The following THBS1 variants were observed in gnomAD, a reference collection of about 807,000 sequenced individuals.
THBS1 encodes thrombospondin-1.
THBS1 carries 29 observed loss-of-function variants against 126.1 expected under a neutral mutation model. The observed-to-expected ratio is 0.23, with a 90% CI of 0.17 to 0.31. The LOEUF (loss-of-function observed/expected upper bound fraction) is 0.31, where lower values mean the gene tolerates loss of function less well. Among genes scored for constraint, THBS1 ranks in the 10% least tolerant of loss-of-function variants. The probability of loss-of-function intolerance (pLI) is 1.00; values close to 1 mark genes in which losing one functional copy is unlikely to be tolerated. For synonymous variants in THBS1, 496 were observed against 577.8 expected (o/e 0.86, Z 2.03); for missense variants, 1,198 against 1,545.2 (o/e 0.78, Z 3.77).
chr15:39,589,114 C>G lies in THBS1; in HGVS notation c.1773+28C>G. On this transcript the variant is annotated intron_variant, in intron 11 of 21. Transcript: ENST00000260356. The surrounding 1 kb of genome is among the most constrained non-coding windows in gnomAD (Gnocchi z 4.7). ...GAGGAACTGATGGGGCTCCGAGTTT[C>G]TGGATCTAGGAAAGCAGCTAACCTG... 4 of 1,612,784 alleles carry G rather than the reference C, an allele frequency of 2.5e-6. No individual in the cohort carries two copies. Among genetic ancestry groups the G allele is most frequent in the Non-Finnish European group, 3.4e-6 (4 of 1,178,800 alleles).
intron 1 of THBS1, among the ~76,000 whole-genome samples, chr15:39,581,461 C>T (rs767194921): frequency 7.9e-5 from 12 of 152,138 alleles, no homozygotes; most frequent in Non-Finnish European, 1.5e-4. Flanking sequence ...TTTCCTTACT[C>T]TCTGAAGTCC....
chr15:39,591,124 C>T, intron 14 of THBS1, 67 bp from the exon 15 acceptor site: 1 of 1,548,866 alleles, frequency 6.5e-7, no homozygotes, highest in Non-Finnish European at 8.8e-7. Context: ...ATATTATGCA[C>T]ATGGTTTGAG....
At chr15:39,586,292 T>A (rs1412752323) in intron 7 of THBS1, among the ~76,000 whole-genome samples, 1 of 152,160 alleles carries the variant, frequency 6.6e-6, no homozygotes, top group Non-Finnish European at 1.5e-5. Context: ...CATCCAGGGA[T>A]CATATTAGCG....
chr15:39,598,708 T>C lies in THBS1; in HGVS notation c.*3339T>C, dbSNP rs946193474. 5.3e-5 allele frequency: 8 copies of C among 152,194 alleles called. No homozygotes were observed. Among genetic ancestry groups the C allele is most frequent in the Non-Finnish European group, 1.2e-4 (8 of 68,032 alleles). The allele number at this position is 152,194 out of a possible 1,614,324, so 9.4% of individuals were successfully genotyped here. On this transcript the variant is annotated 3_prime_UTR_variant, in exon 22 of 22. Transcript: ENST00000260356. ...AATTAAAATTATGTCATCGAGATGA[T>C]AGCTTTTTTCCTCCTCCAACAGTTT...
Position 39,593,774 on chromosome 15 carries a change from C to G in THBS1, c.3267+106C>G. On this transcript the variant is annotated intron_variant, in intron 19 of 21. Transcript: ENST00000260356. This position sits in a 1 kb window ranked among gnomAD's most constrained non-coding sequence, Gnocchi z 5.9. The stretch of plus-strand genomic sequence containing the variant: ...TCTGACCAGGGAGTCTTAGAAAGTT[C>G]CCAGCATCACCAGCTGCAGCATTGA... The G allele has an allele frequency of 6.9e-7, 1 of 1,448,768 alleles. No individual in the cohort carries two copies. Among genetic ancestry groups the G allele is most frequent in the Non-Finnish European group, 9.3e-7 (1 of 1,072,660 alleles). 89.7% of individuals were successfully genotyped at this position (1,448,768 alleles called of 1,614,324 possible).
In THBS1 at chr15:39,591,178, C is replaced by T; in HGVS notation, c.2254-13C>T. On this transcript the variant is annotated splice_polypyrimidine_tract_variant and intron_variant, in intron 14 of 21. Transcript: ENST00000260356. ...GACAACATTGTTAAGTGCTCCATTT[C>T]TTCTCTTTGCAGGACAACTGTCCAT... 3.7e-6 allele frequency: 6 copies of T among 1,612,100 alleles called. No individual in the cohort carries two copies. Among genetic ancestry groups the T allele is most frequent in the Non-Finnish European group, 3.4e-6 (4 of 1,178,784 alleles).
Position 39,593,199 on chromosome 15 carries a change from T to C in THBS1, c.2967T>C (p.Thr989=). 6.2e-7 allele frequency: 1 copy of C among 1,614,010 alleles called. No homozygotes were observed. The highest frequency in any genetic ancestry group is 8.5e-7 in the Non-Finnish European group (1 of 1,179,974). The change falls in exon 18 of 22, where the codon ACT becomes ACC. Residue 989 remains threonine, a synonymous_variant. Transcript: ENST00000260356. This position sits in a 1 kb window ranked among gnomAD's most constrained non-coding sequence, Gnocchi z 5.9. ...ATCAGGGTAAAGAACTCGTCCAGAC[T>C]GTCAACTGTGATCCTGGACTCGCTG... ...VRHQGKELVQ[T]VNCDPGLAVG...
rs1466035769 is a variant in THBS1 at position 39,594,979 on chromosome 15, T to TAATA, written c.3506-382_3506-379dup. On this transcript the variant is annotated intron_variant, in intron 21 of 21. Transcript: ENST00000260356. This position sits in a 1 kb window ranked among gnomAD's most constrained non-coding sequence, Gnocchi z 4.4. ...CTGGCTCTACCACAAAATAAGTGCT[T>TAATA]AATATATATTTACTGGGCCAAGGCC... Among the ~76,000 whole-genome samples, 1 of 152,200 alleles carries TAATA rather than the reference T, an allele frequency of 6.6e-6. No individual in the cohort carries two copies. The highest frequency in any genetic ancestry group is 2.4e-5 in the African/African-American group (1 of 41,446).
chr15:39,589,690 C>T lies in THBS1; in HGVS notation c.1927-115C>T. On this transcript the variant is annotated intron_variant, in intron 12 of 21. Transcript: ENST00000260356. This position sits in a 1 kb window ranked among gnomAD's most constrained non-coding sequence, Gnocchi z 4.7. ...TGGGGAGGGACAGAGGTAACCCACA[C>T]TCTTCCAAATGGAGCCTCTGTCTAC... 1 of 1,158,778 alleles carries T rather than the reference C, an allele frequency of 8.6e-7. No homozygotes were observed. The highest frequency in any genetic ancestry group is 1.2e-6 in the Non-Finnish European group (1 of 845,374). 71.8% of individuals were successfully genotyped at this position (1,158,778 alleles called of 1,614,324 possible). A position where few individuals can be genotyped will look rare whatever the true frequency, so the allele number is the denominator to read the frequency against.
rs745631067 is a variant in THBS1, at chr15:39,589,937, A to G, written c.2059A>G (p.Ile687Val). The stretch of plus-strand genomic sequence containing the variant: ...CAAGCCTGGCTACGCTGGCAATGGC[A>G]TCATCTGCGGGGAGGACACAGACCT... Reference protein sequence around the residue: ...ECKPGYAGNGIICGEDTDLDG... With the variant: ...ECKPGYAGNGVICGEDTDLDG... Residue 687 changes from isoleucine (I) to valine (V), a missense_variant, in exon 13 of 22, where the codon ATC (isoleucine) becomes GTC (valine). Around this residue, in one of 4 missense-constraint regions of THBS1, gnomAD observed 663 missense variants for 860.1 expected, o/e 0.77. Coordinates refer to ENST00000260356, the MANE Select transcript of THBS1 (RefSeq NM_003246.4). This position sits in a 1 kb window ranked among gnomAD's most constrained non-coding sequence, Gnocchi z 4.7. The G allele has an allele frequency of 1.2e-6, 2 of 1,614,160 alleles. No individual in the cohort carries two copies. The highest frequency in any genetic ancestry group is 2.2e-5 in the South Asian group (2 of 91,050).
chr15:39,584,368 G>C lies in THBS1; in HGVS notation c.972G>C (p.Gln324His), dbSNP rs1566838980. 6.2e-7 allele frequency: 1 copy of C among 1,614,214 alleles called. No homozygotes were observed. The highest frequency in any genetic ancestry group is 2.2e-5 in the East Asian group (1 of 44,882). The change falls in exon 6 of 22, where the codon CAG (glutamine) becomes CAC (histidine). Residue 324 changes from glutamine (Q) to histidine (H), a missense_variant. Physicochemically the swap from Gln to His is conservative, Grantham distance 24 (BLOSUM62 0). This residue lies in a region of THBS1 where 663 missense variants were observed against 860.1 expected (regional missense o/e 0.77). Transcript: ENST00000260356. The stretch of plus-strand genomic sequence containing the variant: ...CCCTATGCTATCACAACGGAGTTCA[G>C]TACAGAAATAACGAGGAATGGACTG... ...RPPLCYHNGV[Q>H]YRNNEEWTVD...
intron 8 of THBS1, among the ~76,000 whole-genome samples, chr15:39,587,724 C>A (rs559461780): frequency 2.1e-4 from 32 of 152,316 alleles, no homozygotes; most frequent in African/African-American, 7.7e-4. Flanking sequence ...AATAATAGTT[C>A]TTGATAAGTT....
intron 6 of THBS1, 54 bp from the exon 7 acceptor site, chr15:39,585,416 T>C: frequency 6.6e-7 from 1 of 1,520,902 alleles, no homozygotes; most frequent in South Asian, 1.1e-5. Flanking sequence ...GATGTAGACT[T>C]CTGTATGCAA....
At position 39,584,532 on chromosome 15, in the gene THBS1, G is replaced by A. The variant is rs1043457428; in HGVS notation, c.1026+110G>A. On this transcript the variant is annotated intron_variant, in intron 6 of 21. Coordinates refer to ENST00000260356, the MANE Select transcript of THBS1 (RefSeq NM_003246.4). The stretch of plus-strand genomic sequence containing the variant: ...AGATTCTTTTTATGTTCCATGGCCT[G>A]ATAACAAAGTGTTTTTTTTTTCTTT... 32 of 1,418,226 alleles carry A rather than the reference G, an allele frequency of 2.3e-5. No individual in the cohort carries two copies. In the African/African-American group the frequency reaches 4.7e-4, roughly 21 times the overall value. The allele number at this position is 1,418,226 out of a possible 1,614,324, so 87.9% of individuals were successfully genotyped here.
intron 2 of THBS1, 122 bp from the exon 3 acceptor site, chr15:39,582,069 TCA>T: frequency 7.5e-7 from 1 of 1,327,068 alleles, no homozygotes. Context: ...TGGTATTTAT[TCA>T]CCTCTTTCAG....
At position 39,594,424 on chromosome 15, in the gene THBS1, G is replaced by A; in HGVS notation, c.3489G>A (p.Leu1163=). 1 of 1,614,084 alleles carries A rather than the reference G, an allele frequency of 6.2e-7. No homozygotes were observed. The highest frequency in any genetic ancestry group is 8.5e-7 in the Non-Finnish European group (1 of 1,179,994). The change falls in exon 21 of 22, where the codon CTG becomes CTA. Residue 1163 remains leucine, a synonymous_variant. Transcript: ENST00000260356. This position sits in a 1 kb window ranked among gnomAD's most constrained non-coding sequence, Gnocchi z 4.4. ...AAGAAATGGTGTTCTTCTCTGACCT[G>A]AAATACGAATGTAGAGGTAAGAGCA... The part of the protein sequence containing the change: ...FSQEMVFFSD[L]KYECRDP
intron 3 of THBS1, 86 bp from the exon 4 acceptor site, chr15:39,583,531 C>A: frequency 8.9e-7 from 1 of 1,122,908 alleles, no homozygotes; most frequent in South Asian, 1.5e-5. Flanking sequence ...CTATTGTATG[C>A]TTTTCCTAGC....
At chr15:39,591,128 G>A in intron 14 of THBS1, 63 bp from the exon 15 acceptor site, 1 of 1,567,378 alleles carries the variant, frequency 6.4e-7, no homozygotes, top group South Asian at 1.2e-5. Flanking sequence ...TATGCACATG[G>A]TTTGAGGCTT....
In THBS1 at chr15:39,589,710, G is replaced by T; in HGVS notation, c.1927-95G>T. 7.6e-7 allele frequency: 1 copy of T among 1,318,348 alleles called. No individual in the cohort carries two copies. Among genetic ancestry groups the T allele is most frequent in the Admixed American group, 2.7e-5 (1 of 37,646 alleles). The allele number at this position is 1,318,348 out of a possible 1,614,324, so 81.7% of individuals were successfully genotyped here. ...CCACACTCTTCCAAATGGAGCCTCT[G>T]TCTACTCAGAGATGACAGGGATCTG... On this transcript the variant is annotated intron_variant, in intron 12 of 21. Transcript: ENST00000260356. The surrounding 1 kb of genome is among the most constrained non-coding windows in gnomAD (Gnocchi z 4.7).
Sources: allele counts gnomAD v4.1 joint callset (sites outside exome capture counted in the v4.1 genomes callset), GRCh38; gene constraint gnomAD v4.1.1; regional missense constraint gnomAD v4.1.1; non-coding constraint Gnocchi (gnomAD v3.1); transcripts MANE v1.5; gene names NCBI Gene and HGNC (gene_info 2026-07-23, HGNC 2026-07-21).